SLIT2: variants seen among roughly 807,000 people sequenced by gnomAD.
The protein encoded by SLIT2 is slit homolog 2 protein.
SLIT2 carries 41 observed loss-of-function variants against 185.7 expected under a neutral mutation model. The ratio of observed to expected loss-of-function variants is 0.22; its 90% confidence interval spans 0.17 to 0.29. SLIT2 has a LOEUF of 0.29. Among genes scored for constraint, SLIT2 ranks in the 10% least tolerant of loss-of-function variants. The pLI is 1.00. For missense variants in SLIT2, 1,571 were observed against 1,909.0 expected (o/e 0.82, Z 3.30); for synonymous variants, 693 against 680.2 (o/e 1.02, Z -0.29).
intron 3 of SLIT2, among the ~76,000 whole-genome samples, chr4:20,258,527 G>A (rs1279148811): frequency 1.3e-5 from 2 of 151,724 alleles, no homozygotes; most frequent in African/African-American, 4.8e-5. Flanking sequence ...AGTAAGAACT[G>A]TGTTATCAAA....
intron 11 of SLIT2, among the ~76,000 whole-genome samples, chr4:20,514,744 C>T (rs1720050324): frequency 6.8e-6 from 1 of 146,976 alleles, no homozygotes; most frequent in Non-Finnish European, 1.5e-5. Context: ...TAAGGCCTCT[C>T]CTACTAAGAA....
At chr4:20,426,514 G>T (rs1440344879) in intron 4 of SLIT2, among the ~76,000 whole-genome samples, 1 of 152,160 alleles carries the variant, frequency 6.6e-6, no homozygotes, top group Admixed American at 6.5e-5. Flanking sequence ...CACTGTGTAA[G>T]ATGCTATTAA....
chr4:20,321,194 T>C (rs946689169), intron 4 of SLIT2, among the ~76,000 whole-genome samples: 1 of 152,064 alleles, frequency 6.6e-6, no homozygotes, highest in East Asian at 1.9e-4. Flanking sequence ...CAAACCAATG[T>C]CTTCTCTTGC....
At chr4:20,532,413 A>G (rs1303473553) in intron 17 of SLIT2, among the ~76,000 whole-genome samples, 2 of 152,078 alleles carry the variant, frequency 1.3e-5, no homozygotes, top group East Asian at 1.9e-4. Context: ...TTTCATGTCA[A>G]CTATTGGACT....
intron 4 of SLIT2, among the ~76,000 whole-genome samples, chr4:20,273,850 AG>A (rs1301473417): frequency 6.6e-6 from 1 of 152,182 alleles, no homozygotes; most frequent in East Asian, 1.9e-4. Context: ...GTGGACTACT[AG>A]AGATGTCAGG....
chr4:20,344,721 T>G (rs1412485364), intron 4 of SLIT2, among the ~76,000 whole-genome samples: 1 of 152,234 alleles, frequency 6.6e-6, no homozygotes, highest in Non-Finnish European at 1.5e-5. Flanking sequence ...ACTGTTGAAC[T>G]TGACTTAGTC....
chr4:20,486,206 C>G lies in SLIT2; in HGVS notation c.546C>G (p.Leu182=), dbSNP rs777374781. Residue 182 remains leucine, a synonymous_variant, in exon 7 of 37, where the codon CTC becomes CTG. Coordinates refer to ENST00000504154, the MANE Select transcript of SLIT2 (RefSeq NM_004787.4). ...TTTCTTTTTAATTCTACAGCACTCT[C>G]AACAATAACAACATTACTAGACTTT... The part of the protein sequence containing the change: ...RALRDLEVLT[L]NNNNITRLSV... The G allele has an allele frequency of 6.2e-5, 99 of 1,596,746 alleles. No homozygotes were observed. Among genetic ancestry groups the G allele is most frequent in the Non-Finnish European group, 8.3e-5 (97 of 1,164,930 alleles).
At chr4:20,561,904 CT>C (rs1724725893) in intron 26 of SLIT2, among the ~76,000 whole-genome samples, 1 of 151,706 alleles carries the variant, frequency 6.6e-6, no homozygotes, top group South Asian at 2.1e-4. Context: ...GCAATTAATG[CT>C]CTGTTCTTAT....
chr4:20,606,041 G>T (rs1047481658), intron 33 of SLIT2, among the ~76,000 whole-genome samples: 2 of 152,044 alleles, frequency 1.3e-5, no homozygotes, highest in Admixed American at 6.6e-5. Context: ...GAGCCACCAC[G>T]CCTGGCCCAC....
At chr4:20,314,294 C>T (rs1245284994) in intron 4 of SLIT2, among the ~76,000 whole-genome samples, 1 of 152,152 alleles carries the variant, frequency 6.6e-6, no homozygotes, top group East Asian at 1.9e-4. Context: ...ATTAGAAACA[C>T]CAAATGATAG....
At chr4:20,308,564 C>A (rs1000698845) in intron 4 of SLIT2, among the ~76,000 whole-genome samples, 1 of 151,976 alleles carries the variant, frequency 6.6e-6, no homozygotes, top group Non-Finnish European at 1.5e-5. Flanking sequence ...GAAAAGTAAT[C>A]CAGTTGCTTT....
At chr4:20,411,193 G>A (rs1006113049) in intron 4 of SLIT2, among the ~76,000 whole-genome samples, 6 of 152,162 alleles carry the variant, frequency 3.9e-5, no homozygotes, top group Non-Finnish European at 5.9e-5. Flanking sequence ...ATGTTTTGAA[G>A]CACTGGCTTC....
chr4:20,428,634 A>C (rs139244081), intron 4 of SLIT2, among the ~76,000 whole-genome samples: 1 of 152,184 alleles, frequency 6.6e-6, no homozygotes, highest in Admixed American at 6.5e-5. Flanking sequence ...CTAAGTGGCC[A>C]TAATAGAAAA....
chr4:20,520,255 G>T (rs547088745), intron 12 of SLIT2, among the ~76,000 whole-genome samples: 1 of 152,066 alleles, frequency 6.6e-6, no homozygotes, highest in South Asian at 2.1e-4. Context: ...TGTCTCAAAA[G>T]AAGTATTTAC....
At chr4:20,505,593 A>T (rs1719132601) in intron 9 of SLIT2, among the ~76,000 whole-genome samples, 1 of 152,012 alleles carries the variant, frequency 6.6e-6, no homozygotes, top group South Asian at 2.1e-4. Flanking sequence ...AGTCATACAC[A>T]CTGCATGTTG....
At chr4:20,273,880 C>T (rs1448253267) in intron 4 of SLIT2, among the ~76,000 whole-genome samples, 1 of 152,138 alleles carries the variant, frequency 6.6e-6, no homozygotes, top group South Asian at 2.1e-4. Context: ...TTTCCTGCTT[C>T]ATTTTACTCT....
Position 20,257,985 on chromosome 4 carries a change from T to C in SLIT2, c.323+46T>C, listed in dbSNP as rs374537916. ...AGTTATGACAACATAACTGTGTTTT[T>C]TAAAAATACTTAAATTTCAAGCATC... On this transcript the variant is annotated intron_variant, in intron 3 of 36. Coordinates refer to ENST00000504154, the MANE Select transcript of SLIT2 (RefSeq NM_004787.4). The C allele has an allele frequency of 4.4e-5, 39 of 896,278 alleles. No individual in the cohort carries two copies. The East Asian group carries it at 7.1e-4, about 16-fold the overall frequency. The allele number at this position is 896,278 out of a possible 1,614,324, so 55.5% of individuals were successfully genotyped here.
At chr4:20,448,869 C>T (rs933273580) in intron 4 of SLIT2, among the ~76,000 whole-genome samples, 16 of 152,182 alleles carry the variant, frequency 1.1e-4, no homozygotes, top group African/African-American at 3.9e-4. Context: ...ATCTCTTGAC[C>T]TCGTGATCCA....
intron 4 of SLIT2, among the ~76,000 whole-genome samples, chr4:20,417,867 G>A (rs76508703): frequency 0.011 from 1,605 of 152,126 alleles, 32 homozygotes; most frequent in African/African-American, 0.036. Context: ...CCTTTGATGT[G>A]TACAAAAATC....
Sources: allele counts gnomAD v4.1 joint callset (sites outside exome capture counted in the v4.1 genomes callset), GRCh38; gene constraint gnomAD v4.1.1; transcripts MANE v1.5; gene names NCBI Gene and HGNC (gene_info 2026-07-23, HGNC 2026-07-21).